TAMM41: variants seen among roughly 807,000 people sequenced by gnomAD.
TAMM41 encodes the protein TAM41 mitochondrial translocator assembly and maintenance homolog.
In TAMM41, 36 loss-of-function variants were observed where a neutral mutation model predicts 44.1. That is an observed-to-expected ratio of 0.82 (90% CI 0.63 to 1.08). The LOEUF (loss-of-function observed/expected upper bound fraction) is 1.08. Among genes scored for constraint, TAMM41 ranks in the 50% least tolerant of loss-of-function variants. The probability of loss-of-function intolerance (pLI) is 0.00; values close to 1 mark genes in which losing one functional copy is unlikely to be tolerated. For synonymous variants in TAMM41, 164 were observed against 153.1 expected (o/e 1.07, Z -0.53); for missense variants, 417 against 404.3 (o/e 1.03, Z -0.27).
At chr3:11,765,533 T>A in the TAMM41 span, among the ~76,000 whole-genome samples, 1 of 152,158 alleles carries the variant, frequency 6.6e-6, no homozygotes, top group South Asian at 2.1e-4. Context: ...ATTTCCAGTT[T>A]CAAATCCTCA....
chr3:11,744,746 ATT>A, the TAMM41 span, among the ~76,000 whole-genome samples: 5 of 151,774 alleles, frequency 3.3e-5, no homozygotes, highest in Non-Finnish European at 5.9e-5. Context: ...CAGAAAATAG[ATT>A]GGGCATGGTG....
intron 3 of TAMM41, among the ~76,000 whole-genome samples, chr3:11,832,056 G>A (rs1028178405): frequency 6.6e-6 from 1 of 152,128 alleles, no homozygotes. Context: ...CTTTTACTTG[G>A]CAAATTCAGC....
chr3:11,839,707 T>TC (rs1194862659), intron 2 of TAMM41, among the ~76,000 whole-genome samples: 1 of 152,116 alleles, frequency 6.6e-6, no homozygotes, highest in Non-Finnish European at 1.5e-5. Flanking sequence ...TAATAGTCCC[T>TC]CCCTAAAACT....
intron 3 of TAMM41, among the ~76,000 whole-genome samples, chr3:11,835,525 G>A (rs1398909448): frequency 6.6e-6 from 1 of 152,134 alleles, no homozygotes; most frequent in African/African-American, 2.4e-5. Flanking sequence ...GCTACTACTT[G>A]TCTTGAATTG....
chr3:11,846,574 G>A lies in TAMM41; in HGVS notation c.63C>T (p.Pro21=), dbSNP rs776583164. ...VTFRKILSHF[P]EELSLAFVYG... ...AGACGAAAGCCAGACTCAGCTCCTC[G>A]GGGAAGTGAGACAGGATCTTGCGGA... Residue 21 remains proline (P), a synonymous_variant, in exon 1 of 8, where the codon CCC becomes CCT. Transcript: ENST00000455809. 6.2e-7 allele frequency: 1 copy of A among 1,614,230 alleles called. No individual in the cohort carries two copies. Among genetic ancestry groups the A allele is most frequent in the African/African-American group, 1.3e-5 (1 of 75,070 alleles).
At chr3:11,778,071 G>A in the TAMM41 span, among the ~76,000 whole-genome samples, 4 of 152,112 alleles carry the variant, frequency 2.6e-5, no homozygotes, top group Non-Finnish European at 5.9e-5. Flanking sequence ...TCATGTTTTC[G>A]AGGCTCATCC....
At chr3:11,836,552 T>C (rs768076998) in intron 3 of TAMM41, among the ~76,000 whole-genome samples, 1 of 151,718 alleles carries the variant, frequency 6.6e-6, no homozygotes, top group Non-Finnish European at 1.5e-5. Context: ...CAACCTCCAC[T>C]TTCTGGGTTC....
the TAMM41 span, among the ~76,000 whole-genome samples, chr3:11,750,825 C>T: frequency 6.6e-6 from 1 of 152,256 alleles, no homozygotes; most frequent in Admixed American, 6.5e-5. Flanking sequence ...CATAAGGAGA[C>T]TTTATTGATG....
chr3:11,803,633 T>G (rs1431012235), intron 7 of TAMM41, among the ~76,000 whole-genome samples: 1 of 152,206 alleles, frequency 6.6e-6, no homozygotes, highest in East Asian at 1.9e-4. Flanking sequence ...GTATGTTTAC[T>G]GCAGCACTAG....
At chr3:11,798,037 A>G (rs1407995314) in intron 7 of TAMM41, among the ~76,000 whole-genome samples, 1 of 152,214 alleles carries the variant, frequency 6.6e-6, no homozygotes, top group East Asian at 1.9e-4. Flanking sequence ...GAACATTTAT[A>G]CACTGCTGGC....
chr3:11,781,533 G>A, the TAMM41 span, among the ~76,000 whole-genome samples: 15 of 151,970 alleles, frequency 9.9e-5, no homozygotes, highest in South Asian at 4.2e-4. Flanking sequence ...TCAGGAGTTC[G>A]AGAGCAGCCT....
At chr3:11,813,203 C>T (rs7640941) in intron 5 of TAMM41, among the ~76,000 whole-genome samples, 18,128 of 152,082 alleles carry the variant, frequency 0.12, 2,286 homozygotes, top group East Asian at 0.48. Context: ...AGAAATTCTA[C>T]AGACACTGAT....
chr3:11,820,692 C>G (rs1339614245), intron 4 of TAMM41, among the ~76,000 whole-genome samples: 2 of 152,200 alleles, frequency 1.3e-5, no homozygotes, highest in Non-Finnish European at 2.9e-5. Context: ...ACAGCACGAA[C>G]CAGCATCTGA....
intron 3 of TAMM41, among the ~76,000 whole-genome samples, chr3:11,838,978 A>G (rs576123767): frequency 1.2e-4 from 18 of 152,286 alleles, no homozygotes; most frequent in African/African-American, 3.4e-4. Context: ...TAACACTCAG[A>G]TATTCCAAAG....
intron 4 of TAMM41, 147 bp from the exon 5 acceptor site, chr3:11,817,484 C>T (rs925060190): frequency 4.0e-6 from 3 of 742,016 alleles, no homozygotes; most frequent in Non-Finnish European, 6.1e-6. Context: ...AAAACCTGGA[C>T]ACTTTACCCC....
At chr3:11,764,781 T>C in the TAMM41 span, among the ~76,000 whole-genome samples, 126,347 of 152,056 alleles carry the variant, frequency 0.83, 53,247 homozygotes, top group African/African-American at 0.94. Flanking sequence ...CTTGAGCCAC[T>C]GCACCCGGCC....
intron 7 of TAMM41, among the ~76,000 whole-genome samples, chr3:11,803,284 T>C (rs2077806418): frequency 6.6e-6 from 1 of 152,076 alleles, no homozygotes; most frequent in African/African-American, 2.4e-5. Context: ...CTCAGGAGGC[T>C]GAAGGGGGAG....
At chr3:11,767,392 A>G in the TAMM41 span, among the ~76,000 whole-genome samples, 1 of 151,950 alleles carries the variant, frequency 6.6e-6, no homozygotes, top group South Asian at 2.1e-4. Context: ...TGTTTCTACT[A>G]TCTTGCTATT....
chr3:11,846,664 G>C lies in TAMM41; in HGVS notation c.-28C>G. Reference sequence around the variant, plus strand: ...GGTCGAGGCTAACAGGGGACACTCAGCGCAGCAGGGCGAGGACAACCGGGC... The same window carrying C: ...GGTCGAGGCTAACAGGGGACACTCACCGCAGCAGGGCGAGGACAACCGGGC... On this transcript the variant is annotated 5_prime_UTR_variant, in exon 1 of 8. Transcript: ENST00000455809. The C allele has an allele frequency of 6.2e-7, 1 of 1,613,874 alleles. No homozygotes were observed. The highest frequency in any genetic ancestry group is 2.2e-5 in the East Asian group (1 of 44,874).
Sources: allele counts gnomAD v4.1 joint callset (sites outside exome capture counted in the v4.1 genomes callset), GRCh38; gene constraint gnomAD v4.1.1; transcripts MANE v1.5; gene names NCBI Gene and HGNC (gene_info 2026-07-23, HGNC 2026-07-21).